COXFA4L3: variants seen among roughly 807,000 people sequenced by gnomAD.
COXFA4L3 encodes the protein MIR147B host.
chr15:45,433,066 A>G, the COXFA4L3 span: 1 of 1,510,676 alleles, frequency 6.6e-7, no homozygotes, highest in Non-Finnish European at 9.2e-7. Flanking sequence ...TCTAGTGGAA[A>G]CATTTCTGCA....
the COXFA4L3 span, chr15:45,430,917 A>G: frequency 6.4e-7 from 1 of 1,568,878 alleles, no homozygotes; most frequent in African/African-American, 1.4e-5. Context: ...AACAAAGTAT[A>G]AAATAAATAC....
the COXFA4L3 span, chr15:45,430,915 AT>A: frequency 5.7e-6 from 9 of 1,565,232 alleles, no homozygotes. Context: ...TGAACAAAGT[AT>A]AAAATAAATA....
chr15:45,430,946 C>G, the COXFA4L3 span: 2 of 1,577,558 alleles, frequency 1.3e-6, no homozygotes, highest in African/African-American at 2.7e-5. Flanking sequence ...TGCTGTGTTT[C>G]AAATGTTTCA....
chr15:45,431,725 C>A, the COXFA4L3 span, among the ~76,000 whole-genome samples: 10 of 152,192 alleles, frequency 6.6e-5, no homozygotes, highest in African/African-American at 1.9e-4. Context: ...CAGAGTTCAA[C>A]CTGCCCCTCC....
the COXFA4L3 span, chr15:45,431,291 A>AG: frequency 5.7e-4 from 241 of 422,728 alleles, no homozygotes; most frequent in African/African-American, 5.1e-3. Context: ...AGAAAAAAAA[A>AG]AGAAAAAATT....
At chr15:45,432,409 A>G in the COXFA4L3 span, among the ~76,000 whole-genome samples, 1 of 152,258 alleles carries the variant, frequency 6.6e-6, no homozygotes, top group African/African-American at 2.4e-5. Flanking sequence ...TCACACCTGT[A>G]ATGCCAACAC....
chr15:45,433,039 G>T, the COXFA4L3 span: 1 of 1,598,234 alleles, frequency 6.3e-7, no homozygotes, highest in Non-Finnish European at 8.6e-7. Context: ...TCTTTCTTCT[G>T]AAGAGTACTC....
the COXFA4L3 span, chr15:45,431,031 G>A: frequency 1.2e-6 from 2 of 1,614,136 alleles, no homozygotes; most frequent in African/African-American, 2.7e-5. Flanking sequence ...CATGACTGTG[G>A]CGGCGGGTGG....
chr15:45,433,318 C>A, the COXFA4L3 span: 1 of 288,286 alleles, frequency 3.5e-6, no homozygotes, highest in South Asian at 5.0e-5. Context: ...TAATAAAATG[C>A]CATTTGTGCA....
At chr15:45,433,025 C>T in the COXFA4L3 span, 10 of 1,610,964 alleles carry the variant, frequency 6.2e-6, no homozygotes, top group South Asian at 3.3e-5. Context: ...GACGAGCCCT[C>T]GCCTCTTTCT....
the COXFA4L3 span, chr15:45,431,281 A>G: frequency 2.3e-6 from 1 of 433,012 alleles, no homozygotes; most frequent in Non-Finnish European, 4.0e-6. Context: ...AATGAAAATT[A>G]GAAAAAAAAA....
chr15:45,431,992 C>T, the COXFA4L3 span: 1 of 1,268,330 alleles, frequency 7.9e-7, no homozygotes, highest in Non-Finnish European at 1.1e-6. Context: ...GGTTTTGTCC[C>T]TAACATGTTT....
At chr15:45,430,893 T>C in the COXFA4L3 span, 2 of 1,574,128 alleles carry the variant, frequency 1.3e-6, no homozygotes, top group Non-Finnish European at 1.7e-6. Flanking sequence ...GATGAAAAGA[T>C]GGCACAGATT....
chr15:45,433,287 C>G, the COXFA4L3 span: 1 of 354,444 alleles, frequency 2.8e-6, no homozygotes, highest in African/African-American at 2.1e-5. Flanking sequence ...ATTTACAAAG[C>G]TTTGTAAATT....
the COXFA4L3 span, among the ~76,000 whole-genome samples, chr15:45,432,536 G>A: frequency 1.3e-5 from 2 of 152,268 alleles, no homozygotes; most frequent in East Asian, 1.9e-4. Context: ...GTAGTAGAAC[G>A]CACCTGTAAA....
the COXFA4L3 span, chr15:45,432,909 T>C: frequency 2.5e-6 from 4 of 1,569,068 alleles, no homozygotes; most frequent in Middle Eastern, 1.8e-4. Context: ...AGTCAAATTT[T>C]TAACAAAAGG....
chr15:45,430,734 A>G, the COXFA4L3 span: 25 of 1,533,728 alleles, frequency 1.6e-5, no homozygotes, highest in Non-Finnish European at 2.1e-5. Flanking sequence ...TTTGGCGCCC[A>G]CCAGGCGATC....
chr15:45,432,033 C>T, the COXFA4L3 span: 3 of 1,579,786 alleles, frequency 1.9e-6, no homozygotes, highest in Non-Finnish European at 2.6e-6. Flanking sequence ...GGTTTAAATT[C>T]ACATCTTTTA....
At chr15:45,431,290 AAAG>A in the COXFA4L3 span, 35 of 437,298 alleles carry the variant, frequency 8.0e-5, no homozygotes, top group Middle Eastern at 5.8e-4. Context: ...TAGAAAAAAA[AAAG>A]AAAAAATTTA....
Sources: allele counts gnomAD v4.1 joint callset (sites outside exome capture counted in the v4.1 genomes callset), GRCh38; gene constraint gnomAD v4.1.1; transcripts MANE v1.5; gene names NCBI Gene and HGNC (gene_info 2026-07-23, HGNC 2026-07-21).